The following KTN1 variants were observed in gnomAD, a reference collection of about 807,000 sequenced individuals.
The protein encoded by KTN1 is kinectin.
KTN1 carries 130 observed loss-of-function variants against 222.5 expected under a neutral mutation model. The ratio of observed to expected loss-of-function variants is 0.58; its 90% CI spans 0.51 to 0.68. The LOEUF (loss-of-function observed/expected upper bound fraction) is 0.68. Among genes scored for constraint, KTN1 ranks in the 30% least tolerant of loss-of-function variants. The probability of loss-of-function intolerance (pLI) is 0.00; values close to 1 mark genes in which losing one functional copy is unlikely to be tolerated. For synonymous variants in KTN1, 512 were observed against 496.3 expected, an observed-to-expected ratio of 1.03 and a Z score of -0.42; for missense variants, 1,508 against 1,500.4, an observed-to-expected ratio of 1.01 and a Z score of -0.08.
intron 33 of KTN1, among the ~76,000 whole-genome samples, chr14:55,665,843 T>G (rs986590999): frequency 6.6e-5 from 10 of 152,078 alleles, no homozygotes; most frequent in Admixed American, 2.0e-4. Flanking sequence ...TAGCTAAAAT[T>G]GTTAATACCA....
intron 1 of KTN1, among the ~76,000 whole-genome samples, chr14:55,601,191 T>C (rs1321735240): frequency 6.6e-6 from 1 of 152,240 alleles, no homozygotes; most frequent in Non-Finnish European, 1.5e-5. Context: ...GTTGTATTCA[T>C]TTCACATTGG....
intron 19 of KTN1, among the ~76,000 whole-genome samples, chr14:55,647,451 A>G (rs746360975): frequency 6.6e-6 from 1 of 151,634 alleles, no homozygotes; most frequent in Non-Finnish European, 1.5e-5. Flanking sequence ...CCTGGCCAAC[A>G]TGGCAAACCC....
chr14:55,587,516 C>T (rs2033252767), intron 1 of KTN1, among the ~76,000 whole-genome samples: 1 of 152,188 alleles, frequency 6.6e-6, no homozygotes, highest in Non-Finnish European at 1.5e-5. Flanking sequence ...CCCTAGTGTT[C>T]TGAATGCTAT....
chr14:55,580,376 C>G (rs1012153691), intron 1 of KTN1, 22 bp downstream of exon 1: 1 of 146,862 alleles, frequency 6.8e-6, no homozygotes, highest in Non-Finnish European at 1.5e-5. Flanking sequence ...CAGGCCGCAC[C>G]GGGACGGGCG....
chr14:55,672,137 GT>G (rs1385893545), intron 37 of KTN1: 2 of 359,110 alleles, frequency 5.6e-6, no homozygotes, highest in African/African-American at 4.2e-5. Context: ...GAACTATTGT[GT>G]GATAAGGTAA....
intron 1 of KTN1, among the ~76,000 whole-genome samples, chr14:55,608,642 G>C (rs998609258): frequency 1.4e-5 from 1 of 73,086 alleles, no homozygotes; most frequent in Non-Finnish European, 2.7e-5. Context: ...TTTTTTTTTT[G>C]AGACAGAGTC....
At chr14:55,591,902 C>A (rs1265158150) in intron 1 of KTN1, among the ~76,000 whole-genome samples, 2 of 152,126 alleles carry the variant, frequency 1.3e-5, no homozygotes, top group Non-Finnish European at 2.9e-5. Context: ...TGAGAGAAAA[C>A]ATATTTTCAG....
intron 18 of KTN1, among the ~76,000 whole-genome samples, chr14:55,646,480 C>CT (rs1402893622): frequency 9.9e-4 from 68 of 68,548 alleles, no homozygotes; most frequent in African/African-American, 2.9e-3. Context: ...CTTTCCTTTC[C>CT]TTTCCTTTCC....
chr14:55,627,417 A>G lies in KTN1; in HGVS notation c.964-495A>G, dbSNP rs556369898. 4.0e-5 allele frequency among the ~76,000 whole-genome samples: 6 copies of G among 151,012 alleles called. No individual in the cohort carries two copies. In the East Asian group the frequency reaches 9.7e-4, roughly 24 times the overall value. On this transcript the variant is annotated intron_variant, in intron 5 of 43. Coordinates refer to ENST00000395314, the MANE Select transcript of KTN1 (RefSeq NM_001079521.2). ...TGATGTTAGATACTTCATTTTCATAATTTTTTTTTAATCTTAGCACCTTTT... is the reference window on the plus strand; with the variant it reads ...TGATGTTAGATACTTCATTTTCATAGTTTTTTTTTAATCTTAGCACCTTTT...
chr14:55,674,569 T>C (rs1386137952), intron 40 of KTN1: 1 of 152,168 alleles, frequency 6.6e-6, no homozygotes, highest in Non-Finnish European at 1.5e-5. Context: ...TTGCACAGAT[T>C]AGGACTGTGA....
At chr14:55,637,011 T>C (rs1244474336) in intron 10 of KTN1, among the ~76,000 whole-genome samples, 187 bp from the exon 11 acceptor site, 2 of 152,094 alleles carry the variant, frequency 1.3e-5, no homozygotes, top group Non-Finnish European at 2.9e-5. Context: ...TTATGTGTAT[T>C]GTTTATTTCT....
At chr14:55,596,156 A>C (rs1465347657) in intron 1 of KTN1, among the ~76,000 whole-genome samples, 41 of 147,992 alleles carry the variant, frequency 2.8e-4, no homozygotes, top group Admixed American at 6.7e-5. Context: ...CTCAATAGCA[A>C]AAAAAAAAAA....
rs181523013 is a variant in KTN1 at position 55,656,280 on chromosome 14, A to C, written c.2892+148A>C. On this transcript the variant is annotated intron_variant, in intron 29 of 43. Transcript: ENST00000395314. ...GGTGTCATTATTGGCATGTTTTTTG[A>C]GTAAGTACCCATGCATAAAATGTGT... The C allele has an allele frequency of 1.2e-5, 7 of 603,408 alleles. No homozygotes were observed. In the East Asian group the frequency reaches 2.0e-4, roughly 17 times the overall value. The allele number at this position is 603,408 out of a possible 1,614,324, so 37.4% of individuals were successfully genotyped here. A position where few individuals can be genotyped will look rare whatever the true frequency, so the allele number is the denominator to read the frequency against.
intron 43 of KTN1, chr14:55,680,285 C>T (rs2046246289): frequency 5.9e-6 from 1 of 168,916 alleles, no homozygotes; most frequent in Admixed American, 5.8e-5. Flanking sequence ...GTCTATATTA[C>T]CTTGGAAGGC....
chr14:55,602,585 C>G (rs1359070516), intron 1 of KTN1, among the ~76,000 whole-genome samples: 1 of 144,540 alleles, frequency 6.9e-6, no homozygotes, highest in African/African-American at 2.5e-5. Flanking sequence ...TCAACACTGT[C>G]TTTTTTTTTT....
chr14:55,622,601 A>C (rs2039305366), intron 5 of KTN1, among the ~76,000 whole-genome samples: 1 of 152,206 alleles, frequency 6.6e-6, no homozygotes, highest in Admixed American at 6.5e-5. Context: ...AAACACACAC[A>C]TGCACACCTT....
intron 18 of KTN1, among the ~76,000 whole-genome samples, chr14:55,646,485 C>CT (rs1372212313): frequency 8.7e-4 from 72 of 82,464 alleles, no homozygotes; most frequent in African/African-American, 3.4e-3. Context: ...CTTTCCTTTC[C>CT]TTTCCTTTCC....
chr14:55,659,341 C>T (rs2043858539), intron 30 of KTN1, among the ~76,000 whole-genome samples: 2 of 144,160 alleles, frequency 1.4e-5, no homozygotes, highest in Admixed American at 7.0e-5. Context: ...GGAAGCTTAA[C>T]AGTTTTATGT....
At chr14:55,659,375 T>G (rs1272032901) in intron 30 of KTN1, among the ~76,000 whole-genome samples, 1 of 151,962 alleles carries the variant, frequency 6.6e-6, no homozygotes, top group Non-Finnish European at 1.5e-5. Flanking sequence ...TTGTGCAGTT[T>G]GAAAATGTAA....
Sources: allele counts gnomAD v4.1 joint callset (sites outside exome capture counted in the v4.1 genomes callset), GRCh38; gene constraint gnomAD v4.1.1; transcripts MANE v1.5; gene names NCBI Gene and HGNC (gene_info 2026-07-23, HGNC 2026-07-21).